Variants in RSPO4 observed in about 807,000 individuals in gnomAD.
RSPO4 encodes the protein R-spondin-4.
In RSPO4, 23 loss-of-function variants were observed where a neutral mutation model predicts 24.8. The ratio of observed to expected loss-of-function variants is 0.93; its 90% CI spans 0.67 to 1.31. The LOEUF is 1.31. RSPO4 is among the 40% of genes most tolerant of loss of function. The pLI, the probability that RSPO4 is intolerant of heterozygous loss-of-function variation, is 0.00. For missense variants in RSPO4, 333 were observed against 316.5 expected, an observed-to-expected ratio of 1.05 and a Z score of -0.39; for synonymous variants, 141 against 127.4, an observed-to-expected ratio of 1.11 and a Z score of -0.72.
At chr20:980,827 G>A (rs1984712624) in intron 1 of RSPO4, among the ~76,000 whole-genome samples, 1 of 152,200 alleles carries the variant, frequency 6.6e-6, no homozygotes, top group Non-Finnish European at 1.5e-5. Context: ...ACATGCGGTT[G>A]TTTTAACGTT....
chr20:961,066 A>G (rs930316700), intron 4 of RSPO4, among the ~76,000 whole-genome samples: 4 of 151,508 alleles, frequency 2.6e-5, no homozygotes, highest in Non-Finnish European at 4.4e-5. Context: ...CCCTTCTATC[A>G]TTTTTCTGTG....
chr20:967,436 CAG>C, intron 2 of RSPO4, 122 bp from the exon 3 acceptor site: 1 of 1,019,666 alleles, frequency 9.8e-7, no homozygotes. Context: ...GGTCAGGACT[CAG>C]TGTCTCCTTT....
rs1005433603 is a variant in RSPO4 at position 1,002,286 on chromosome 20, C to G, written c.-122G>C. 3 of 412,472 alleles carry G rather than the reference C, an allele frequency of 7.3e-6. No individual in the cohort carries two copies. Among genetic ancestry groups the G allele is most frequent in the Admixed American group, 1.1e-4 (2 of 17,602 alleles). The allele number at this position is 412,472 out of a possible 1,614,324, so 25.6% of individuals were successfully genotyped here. ...GGGCGCGCCGGGCGCATCCGCCAGG[C>G]GCGGGTCGGTCCGGCCGCCAGGTCT... On this transcript the variant is annotated 5_prime_UTR_variant, in exon 1 of 5. Transcript: ENST00000217260. The surrounding 1 kb of genome is among the most constrained non-coding windows in gnomAD (Gnocchi z 4.6).
At chr20:982,379 G>A (rs1407408218) in intron 1 of RSPO4, among the ~76,000 whole-genome samples, 1 of 152,190 alleles carries the variant, frequency 6.6e-6, no homozygotes, top group Non-Finnish European at 1.5e-5. Flanking sequence ...TTGTCCTATA[G>A]GTAAAACTGC....
At chr20:962,930 C>G (rs1984051451) in intron 4 of RSPO4, among the ~76,000 whole-genome samples, 1 of 152,182 alleles carries the variant, frequency 6.6e-6, no homozygotes, top group South Asian at 2.1e-4. Context: ...CTAATAACAC[C>G]TACCGCATAG....
intron 1 of RSPO4, among the ~76,000 whole-genome samples, chr20:986,712 A>G (rs1266857069): frequency 6.6e-6 from 1 of 151,668 alleles, no homozygotes; most frequent in Non-Finnish European, 1.5e-5. Context: ...TTACAACTTC[A>G]GTATCATCAT....
At chr20:964,829 CACAT>C (rs755315384) in intron 3 of RSPO4, among the ~76,000 whole-genome samples, 1,729 of 94,632 alleles carry the variant, frequency 0.018, 27 homozygotes, top group African/African-American at 0.027. Flanking sequence ...CACACACACA[CACAT>C]ATATATATAT....
intron 4 of RSPO4, among the ~76,000 whole-genome samples, chr20:962,140 G>C (rs472184): frequency 0.041 from 6,223 of 152,260 alleles, 158 homozygotes; most frequent in Middle Eastern, 0.082. Flanking sequence ...AGCCCTTGCC[G>C]TCACTGGAGA....
rs6056239 is a variant in RSPO4 at position 961,003 on chromosome 20, G to T, written c.596-537C>A. ...CACAACAGCCGAGAGAGGCAGGTAG[G>T]GTCTGAGCCACACCCAGTCCCGTCT... On this transcript the variant is annotated intron_variant, in intron 4 of 4. Transcript: ENST00000217260. Among the ~76,000 whole-genome samples the T allele has an allele frequency of 5.0e-3, 758 of 152,240 alleles. 4 individuals are homozygous for T. Among genetic ancestry groups the T allele is most frequent in the African/African-American group, 0.017 (724 of 41,536 alleles).
chr20:975,368 G>A (rs1193007514), intron 1 of RSPO4, among the ~76,000 whole-genome samples: 2 of 152,220 alleles, frequency 1.3e-5, no homozygotes, highest in African/African-American at 4.8e-5. Flanking sequence ...GTTTTCTTGG[G>A]CCATCACAGT....
chr20:992,037 G>A (rs1227368967), intron 1 of RSPO4, among the ~76,000 whole-genome samples: 1 of 152,032 alleles, frequency 6.6e-6, no homozygotes, highest in East Asian at 1.9e-4. Context: ...GAGAGGGGAC[G>A]AGGAAGTAAA....
chr20:960,239 G>C lies in RSPO4; in HGVS notation c.*118C>G. The stretch of plus-strand genomic sequence containing the variant: ...CAGAAAAATGATAGAAGGGTGGAAA[G>C]AAAGAGAGGACAAATGGAGAAGACA... On this transcript the variant is annotated 3_prime_UTR_variant, in exon 5 of 5. Transcript: ENST00000217260. The C allele has an allele frequency of 1.5e-6, 1 of 687,246 alleles. No individual in the cohort carries two copies. Among genetic ancestry groups the C allele is most frequent in the Non-Finnish European group, 2.6e-6 (1 of 389,332 alleles). 42.6% of individuals were successfully genotyped at this position (687,246 alleles called of 1,614,324 possible). A position where few individuals can be genotyped will look rare whatever the true frequency, so the allele number is the denominator to read the frequency against.
intron 3 of RSPO4, among the ~76,000 whole-genome samples, chr20:966,709 G>C (rs572868185): frequency 6.6e-6 from 1 of 152,260 alleles, no homozygotes; most frequent in East Asian, 1.9e-4. Flanking sequence ...TAAACGCATA[G>C]CCAGCTGTTG....
intron 1 of RSPO4, among the ~76,000 whole-genome samples, chr20:994,499 G>T (rs1985210925): frequency 6.6e-6 from 1 of 152,026 alleles, no homozygotes; most frequent in South Asian, 2.1e-4. Flanking sequence ...GCTGGCCTCT[G>T]ATTATTAAGA....
chr20:964,359 C>T (rs972617694), intron 3 of RSPO4, among the ~76,000 whole-genome samples: 2 of 152,152 alleles, frequency 1.3e-5, no homozygotes, highest in African/African-American at 4.8e-5. Flanking sequence ...AAAGGAAAGG[C>T]TTCCTGGAGG....
At chr20:990,065 G>A (rs1365857220) in intron 1 of RSPO4, among the ~76,000 whole-genome samples, 1 of 152,174 alleles carries the variant, frequency 6.6e-6, no homozygotes, top group Non-Finnish European at 1.5e-5. Context: ...TAAAGGGCTT[G>A]GCCCAAGCAT....
In RSPO4 at chr20:964,787, T is replaced by TAC. The variant is rs1568905588; in HGVS notation, c.410-669_410-668dup. ...ATACACACACACACACATATATATA[T>TAC]ACACATATATACACACATACACACA... On this transcript the variant is annotated intron_variant, in intron 3 of 4. Transcript: ENST00000217260. Among the ~76,000 whole-genome samples the TAC allele has an allele frequency of 1.1e-4, 13 of 121,370 alleles. 1 individual carries two copies. The highest frequency in any genetic ancestry group is 4.3e-4 in the African/African-American group (11 of 25,690). 79.6% of individuals were successfully genotyped at this position (121,370 alleles called of 152,430 possible). A position where few individuals can be genotyped will look rare whatever the true frequency, so the allele number is the denominator to read the frequency against.
intron 1 of RSPO4, among the ~76,000 whole-genome samples, chr20:992,766 C>T (rs184178737): frequency 2.6e-5 from 4 of 152,214 alleles, no homozygotes; most frequent in African/African-American, 9.7e-5. Flanking sequence ...ACACTCCCTG[C>T]GTGGCACCAG....
intron 1 of RSPO4, among the ~76,000 whole-genome samples, chr20:973,238 G>T (rs1984462577): frequency 6.6e-6 from 1 of 152,214 alleles, no homozygotes; most frequent in African/African-American, 2.4e-5. Context: ...GCCCACAGAA[G>T]TGACAGCAAA....
Sources: gnomAD v4.1 joint callset for allele counts (sites outside exome capture counted in the v4.1 genomes callset) on GRCh38, gnomAD v4.1.1 for gene constraint, Gnocchi (gnomAD v3.1) non-coding constraint, MANE v1.5 for transcripts, NCBI Gene and HGNC (gene_info 2026-07-23, HGNC 2026-07-21) for gene names.